SLC2A9: variants seen among roughly 807,000 people sequenced by gnomAD.
The protein encoded by SLC2A9 is solute carrier family 2, facilitated glucose transporter member 9.
A neutral mutation model predicts 50.6 loss-of-function variants in SLC2A9; 39 were observed. The ratio of observed to expected loss-of-function variants is 0.77; its 90% confidence interval spans 0.60 to 1.01. The LOEUF (loss-of-function observed/expected upper bound fraction) is 1.01, where lower values mean the gene tolerates loss of function less well. Among genes scored for constraint, SLC2A9 ranks in the 50% least tolerant of loss-of-function variants. The pLI is 0.00. For synonymous variants in SLC2A9, 324 were observed against 276.9 expected, an observed-to-expected ratio of 1.17 and a Z score of -1.69; for missense variants, 686 against 677.6, an observed-to-expected ratio of 1.01 and a Z score of -0.14.
At chr4:9,922,259 G>T (rs1224013970) in intron 6 of SLC2A9, among the ~76,000 whole-genome samples, 1 of 151,890 alleles carries the variant, frequency 6.6e-6, no homozygotes, top group African/African-American at 2.4e-5. Flanking sequence ...ATAAGTGGCA[G>T]CTGAACAATG....
At chr4:9,776,225 A>G (rs1323812610), downstream of SLC2A9, among the ~76,000 whole-genome samples, 1 of 150,490 alleles carries the variant, frequency 6.6e-6, no homozygotes, top group Non-Finnish European at 1.5e-5. Flanking sequence ...AATGTTTCAG[A>G]GTAGTCCAAG....
At chr4:9,950,889 T>A (rs1750105203) in intron 5 of SLC2A9, among the ~76,000 whole-genome samples, 1 of 13,136 alleles carries the variant, frequency 7.6e-5, no homozygotes, top group Admixed American at 1.5e-3. Context: ...CGAGACTCCG[T>A]CTCAAAAAAA....
At chr4:9,958,193 A>G (rs1751631618) in intron 5 of SLC2A9, among the ~76,000 whole-genome samples, 1 of 152,252 alleles carries the variant, frequency 6.6e-6, no homozygotes, top group South Asian at 2.1e-4. Flanking sequence ...ACTGGGTATA[A>G]GTATAGAATA....
At chr4:9,974,504 C>A (rs1754445250) in intron 5 of SLC2A9, among the ~76,000 whole-genome samples, 2 of 130,520 alleles carry the variant, frequency 1.5e-5, no homozygotes, top group Non-Finnish European at 3.3e-5. Context: ...AATGCAATCC[C>A]ATTTATAATA....
chr4:9,924,193 C>G (rs1005486612), intron 6 of SLC2A9: 3 of 152,248 alleles, frequency 2.0e-5, no homozygotes, highest in African/African-American at 7.2e-5. Context: ...GGAACAAAGA[C>G]AGAACCTGGT....
intron 8 of SLC2A9, among the ~76,000 whole-genome samples, chr4:9,901,204 A>G (rs917704888): frequency 1.3e-5 from 2 of 151,964 alleles, no homozygotes; most frequent in Non-Finnish European, 2.9e-5. Flanking sequence ...TGCTTGCTAC[A>G]ACCCTCATTT....
intron 5 of SLC2A9, among the ~76,000 whole-genome samples, chr4:9,954,605 T>C (rs1343274634): frequency 1.3e-5 from 2 of 152,126 alleles, no homozygotes; most frequent in South Asian, 4.1e-4. Flanking sequence ...GTAGCGGCCC[T>C]GGGTGAGTGG....
At position 9,872,371 on chromosome 4, in the gene SLC2A9, T is replaced by C. The variant is rs571173697; in HGVS notation, c.1291+15196A>G. Among the ~76,000 whole-genome samples the C allele has an allele frequency of 4.6e-5, 7 of 152,272 alleles. No individual in the cohort carries two copies. In the East Asian group the frequency reaches 1.2e-3, roughly 25 times the overall value. The stretch of plus-strand genomic sequence containing the variant: ...AGTCACATTGTCAGCTCAAGGTCAA[T>C]TCATCAAAAAGCAAAGACTGGTAAA... On this transcript the variant is annotated intron_variant, in intron 10 of 11. Transcript: ENST00000264784.
intron 2 of SLC2A9, among the ~76,000 whole-genome samples, chr4:10,010,437 C>G (rs772751962): frequency 7.9e-5 from 12 of 152,122 alleles, no homozygotes; most frequent in South Asian, 4.1e-4. Flanking sequence ...TAGTGAGAAC[C>G]CCCAAATGTG....
At chr4:9,815,020 A>C (rs1371647565) in intron 3 of SLC2A9, among the ~76,000 whole-genome samples, 1 of 152,192 alleles carries the variant, frequency 6.6e-6, no homozygotes, top group Non-Finnish European at 1.5e-5. Context: ...TGATAGGAAC[A>C]CTAAACTTGA....
At chr4:9,965,429 T>C (rs10017674) in intron 5 of SLC2A9, among the ~76,000 whole-genome samples, 73,512 of 152,102 alleles carry the variant, frequency 0.48, 19,123 homozygotes, top group African/African-American at 0.67. Flanking sequence ...AAAAATCACT[T>C]GTAATTTTGG....
intron 6 of SLC2A9, among the ~76,000 whole-genome samples, chr4:9,928,032 T>C (rs1745233474): frequency 6.6e-6 from 1 of 152,152 alleles, no homozygotes; most frequent in South Asian, 2.1e-4. Context: ...AACTAATCTT[T>C]TTGGGAGGCT....
chr4:10,025,846 T>C (rs1578386788), upstream of SLC2A9: 1 of 1,548,812 alleles, frequency 6.5e-7, no homozygotes, highest in East Asian at 2.2e-5. Context: ...AAAGGGGTAC[T>C]ACCCCCTGGG....
intron 5 of SLC2A9, among the ~76,000 whole-genome samples, chr4:9,942,278 C>G (rs1427694358): frequency 6.6e-6 from 1 of 152,224 alleles, no homozygotes; most frequent in Non-Finnish European, 1.5e-5. Context: ...AGATAGTGAC[C>G]TGCAAGGTAG....
chr4:10,039,914 G>A (rs1268556033), intron 1 of SLC2A9, among the ~76,000 whole-genome samples: 1 of 152,252 alleles, frequency 6.6e-6, no homozygotes, highest in African/African-American at 2.4e-5. Context: ...CATCTGCAAT[G>A]AGCGCCAGTT....
chr4:9,932,563 T>C (rs563178629), intron 6 of SLC2A9, among the ~76,000 whole-genome samples: 8 of 152,262 alleles, frequency 5.3e-5, no homozygotes, highest in African/African-American at 1.9e-4. Flanking sequence ...CTGGGGGAGA[T>C]GTTTTTGAGA....
chr4:9,962,836 C>G (rs1309419519), intron 5 of SLC2A9, among the ~76,000 whole-genome samples: 1 of 152,210 alleles, frequency 6.6e-6, no homozygotes, highest in Non-Finnish European at 1.5e-5. Context: ...CACTTGTTGT[C>G]ACCTCTGGCA....
intron 1 of SLC2A9, among the ~76,000 whole-genome samples, chr4:10,030,081 A>G (rs1219102490): frequency 5.3e-5 from 8 of 152,206 alleles, no homozygotes; most frequent in African/African-American, 1.9e-4. Context: ...AATACCCAAA[A>G]CATGTTCATG....
intron 1 of SLC2A9, 99 bp from the exon 2 acceptor site, chr4:10,019,172 A>G (rs2109538840): frequency 5.2e-6 from 5 of 964,206 alleles, no homozygotes; most frequent in Non-Finnish European, 8.1e-6. Context: ...GGCCTTCCGG[A>G]GGAGAAGTCT....
Sources: gnomAD v4.1 joint callset for allele counts (sites outside exome capture counted in the v4.1 genomes callset) on GRCh38, gnomAD v4.1.1 for gene constraint, MANE v1.5 for transcripts, NCBI Gene and HGNC (gene_info 2026-07-23, HGNC 2026-07-21) for gene names.